Variants in PPFIBP2 observed in about 807,000 individuals in gnomAD.
PPFIBP2 encodes the protein liprin-beta-2.
Under a neutral mutation model 118.3 loss-of-function variants are expected in PPFIBP2, and 118 were observed. That is an observed-to-expected ratio of 1.00 (90% CI 0.86 to 1.16). The LOEUF (loss-of-function observed/expected upper bound fraction) is 1.16. PPFIBP2 is among the 50% of genes most tolerant of loss of function. PPFIBP2 has a pLI of 0.00. For synonymous variants in PPFIBP2, 414 were observed against 397.4 expected, an observed-to-expected ratio of 1.04 and a Z score of -0.50; for missense variants, 1,195 against 1,073.1, an observed-to-expected ratio of 1.11 and a Z score of -1.59.
At chr11:7,568,955 G>C (rs1438659646) in intron 3 of PPFIBP2, 1 of 152,236 alleles carries the variant, frequency 6.6e-6, no homozygotes. Flanking sequence ...TGTTAGCAGA[G>C]GGGAGGGATT....
intron 6 of PPFIBP2, among the ~76,000 whole-genome samples, chr11:7,613,913 G>T (rs770796976): frequency 6.6e-6 from 1 of 152,190 alleles, no homozygotes; most frequent in Non-Finnish European, 1.5e-5. Context: ...AAGAGAACAG[G>T]GAAGAATCTT....
chr11:7,595,612 A>C (rs574869982), intron 4 of PPFIBP2, among the ~76,000 whole-genome samples: 1 of 152,334 alleles, frequency 6.6e-6, no homozygotes, highest in South Asian at 2.1e-4. Context: ...GCTTATGGGC[A>C]GACTCCAGGA....
At chr11:7,617,915 C>T (rs528769335) in intron 6 of PPFIBP2, among the ~76,000 whole-genome samples, 11 of 130,588 alleles carry the variant, frequency 8.4e-5, no homozygotes, top group African/African-American at 3.0e-4. Flanking sequence ...TGGCTCTCCA[C>T]ACGGGGGTAA....
chr11:7,638,012 A>G (rs1232045410), intron 14 of PPFIBP2, among the ~76,000 whole-genome samples: 1 of 152,168 alleles, frequency 6.6e-6, no homozygotes, highest in Non-Finnish European at 1.5e-5. Flanking sequence ...TCCCCCCTCC[A>G]TATGTCGTAT....
At chr11:7,559,508 A>G (rs1854054155) in intron 2 of PPFIBP2, among the ~76,000 whole-genome samples, 1 of 151,924 alleles carries the variant, frequency 6.6e-6, no homozygotes, top group South Asian at 2.1e-4. Context: ...CTGGTTTGGG[A>G]TTTCGGTAGT....
the PPFIBP2 span, chr11:7,665,371 G>GTTTT: frequency 6.5e-7 from 1 of 1,544,628 alleles, no homozygotes; most frequent in Non-Finnish European, 8.7e-7. Flanking sequence ...GCACGTGGAG[G>GTTTT]TGTTAGTAGG....
In PPFIBP2 at chr11:7,649,195, A is replaced by T. The variant is rs1235555010; in HGVS notation, c.1958A>T (p.Glu653Val). The change falls in exon 20 of 24, where the codon GAA becomes GTA. Residue 653 changes from glutamate to valine, a missense_variant. Coordinates refer to ENST00000299492, the MANE Select transcript of PPFIBP2 (RefSeq NM_003621.5). ...CCCCAGTACAAAGACCAGTTTCATGAATCTAGAGTTGACAGACGAATGCTG... is the reference window on the plus strand; with the variant it reads ...CCCCAGTACAAAGACCAGTTTCATGTATCTAGAGTTGACAGACGAATGCTG... ...GLPQYKDQFHESRVDRRMLQY... is the reference protein window; with the variant it reads ...GLPQYKDQFHVSRVDRRMLQY... The T allele has an allele frequency of 3.1e-6, 5 of 1,614,004 alleles. No homozygotes were observed. The East Asian group carries it at 1.1e-4, about 36-fold the overall frequency.
chr11:7,514,721 C>G, intron 1 of PPFIBP2, among the ~76,000 whole-genome samples: 1 of 152,264 alleles, frequency 6.6e-6, no homozygotes, highest in East Asian at 1.9e-4. Flanking sequence ...CTCACCTCAT[C>G]ACATCAGATT....
chr11:7,597,069 A>T (rs1165410358), intron 4 of PPFIBP2: 5 of 1,056,034 alleles, frequency 4.7e-6, no homozygotes, highest in Non-Finnish European at 6.4e-6. Flanking sequence ...TTTACAGCCC[A>T]CATTCCTTAA....
At chr11:7,556,807 G>A (rs920946925) in intron 2 of PPFIBP2, among the ~76,000 whole-genome samples, 51 of 152,298 alleles carry the variant, frequency 3.3e-4, no homozygotes, top group African/African-American at 1.2e-3. Flanking sequence ...TGGTCACAGG[G>A]ATTTATTGCT....
At chr11:7,557,245 T>A (rs1853735591) in intron 2 of PPFIBP2, among the ~76,000 whole-genome samples, 1 of 140,510 alleles carries the variant, frequency 7.1e-6, no homozygotes, top group Non-Finnish European at 1.6e-5. Context: ...TATTTTGGTT[T>A]GTATTTTTTT....
intron 3 of PPFIBP2, among the ~76,000 whole-genome samples, chr11:7,578,993 C>A (rs4758198): frequency 0.61 from 91,867 of 151,218 alleles, 28,745 homozygotes; most frequent in African/African-American, 0.77. Flanking sequence ...TTTGGGCAAC[C>A]TGGTTTGTGT....
intron 6 of PPFIBP2, among the ~76,000 whole-genome samples, chr11:7,620,216 A>G (rs761426977): frequency 2.0e-5 from 3 of 152,136 alleles, no homozygotes; most frequent in Non-Finnish European, 4.4e-5. Context: ...ATCGGAACTC[A>G]TCATGTGTAT....
intron 3 of PPFIBP2, among the ~76,000 whole-genome samples, chr11:7,582,098 A>G (rs915798255): frequency 6.6e-6 from 1 of 151,198 alleles, no homozygotes; most frequent in South Asian, 2.1e-4. Context: ...TCAGCCTCCC[A>G]AAGTGCTGGG....
chr11:7,626,950 A>C (rs1404884034), intron 8 of PPFIBP2, among the ~76,000 whole-genome samples: 1 of 152,200 alleles, frequency 6.6e-6, no homozygotes, highest in African/African-American at 2.4e-5. Flanking sequence ...AGCTTTTCTC[A>C]GTGTCCGCCC....
In PPFIBP2 at chr11:7,651,810, C is replaced by T. The variant is rs367762035; in HGVS notation, c.2402C>T (p.Ala801Val). The T allele has an allele frequency of 6.2e-5, 100 of 1,613,640 alleles. No homozygotes were observed. The highest frequency in any genetic ancestry group is 8.1e-5 in the Non-Finnish European group (96 of 1,179,704). Residue 801 changes from alanine (A) to valine (V), a missense_variant, in exon 23 of 24, where the codon GCT becomes GTT. Physicochemically the swap from Ala to Val is moderately conservative, Grantham distance 64. Transcript: ENST00000299492. ...QEKREKMASP[A>V]YTPLTTTAKV... is the part of the protein sequence containing the mutation. ...AAGCGAGAGAAAATGGCCTCACCAG[C>T]TTACACACCACTGACCACCACAGCC...
At chr11:7,601,194 T>C (rs999914903) in intron 5 of PPFIBP2, among the ~76,000 whole-genome samples, 9 of 152,152 alleles carry the variant, frequency 5.9e-5, no homozygotes, top group African/African-American at 1.7e-4. Flanking sequence ...ACTCACTGTA[T>C]CCCCAACCAC....
intron 9 of PPFIBP2, 152 bp from the exon 10 acceptor site, chr11:7,629,307 C>G: frequency 1.4e-6 from 1 of 717,702 alleles, no homozygotes. Context: ...ACTGAAATCC[C>G]AGCTCTGTGG....
chr11:7,611,778 C>G (rs931158174), intron 6 of PPFIBP2, among the ~76,000 whole-genome samples: 3 of 152,174 alleles, frequency 2.0e-5, no homozygotes, highest in East Asian at 3.8e-4. Flanking sequence ...TTATTGATCA[C>G]TTACTGATAG....
Sources: allele counts gnomAD v4.1 joint callset (sites outside exome capture counted in the v4.1 genomes callset), GRCh38; gene constraint gnomAD v4.1.1; transcripts MANE v1.5; gene names NCBI Gene and HGNC (gene_info 2026-07-23, HGNC 2026-07-21).